Variants in HECW1 observed in about 807,000 individuals in gnomAD.
HECW1 encodes the protein E3 ubiquitin-protein ligase HECW1.
HECW1 carries 61 observed loss-of-function variants against 182.3 expected under a neutral mutation model. The observed-to-expected ratio is 0.33, with a 90% CI of 0.27 to 0.41. HECW1 has a LOEUF of 0.41. Ranked by LOEUF, HECW1 falls within the 10% of genes least tolerant of loss-of-function variation. The pLI is 1.00. For missense variants in HECW1, 1,739 were observed against 2,108.9 expected, an observed-to-expected ratio of 0.82 and a Z score of 3.44; for synonymous variants, 859 against 832.6, an observed-to-expected ratio of 1.03 and a Z score of -0.55.
intron 3 of HECW1, among the ~76,000 whole-genome samples, chr7:43,257,180 A>G (rs922021029): frequency 6.6e-6 from 1 of 152,238 alleles, no homozygotes; most frequent in East Asian, 1.9e-4. Context: ...GTATATGTTA[A>G]TTAATATTCC....
intron 26 of HECW1, among the ~76,000 whole-genome samples, chr7:43,548,785 TA>T (rs547560572): frequency 1.3e-5 from 2 of 151,052 alleles, no homozygotes; most frequent in Admixed American, 6.6e-5. Flanking sequence ...GTACTAAAAA[TA>T]AAAAAAAATT....
chr7:43,286,162 G>A (rs1804613663), intron 3 of HECW1, among the ~76,000 whole-genome samples: 1 of 152,228 alleles, frequency 6.6e-6, no homozygotes, highest in Non-Finnish European at 1.5e-5. Context: ...GGATGACTTG[G>A]AGGGAGGGCA....
chr7:43,429,335 T>TATAC (rs1562965589), intron 8 of HECW1, among the ~76,000 whole-genome samples: 10 of 120,308 alleles, frequency 8.3e-5, no homozygotes, highest in African/African-American at 1.3e-4. Context: ...TATATATATA[T>TATAC]ACATATATGC....
At chr7:43,510,501 A>G (rs917284809) in intron 24 of HECW1, among the ~76,000 whole-genome samples, 1 of 152,268 alleles carries the variant, frequency 6.6e-6, no homozygotes, top group African/African-American at 2.4e-5. Flanking sequence ...ACATAAAATG[A>G]GCAAGGTCTC....
intron 2 of HECW1, among the ~76,000 whole-genome samples, chr7:43,219,808 T>C (rs1562692075): frequency 6.6e-6 from 1 of 152,226 alleles, no homozygotes; most frequent in African/African-American, 2.4e-5. Context: ...TTCTGCCTTT[T>C]AGTTTTTACT....
chr7:43,129,004 G>C (rs1213439077), intron 2 of HECW1, among the ~76,000 whole-genome samples: 1 of 152,174 alleles, frequency 6.6e-6, no homozygotes, highest in Non-Finnish European at 1.5e-5. Flanking sequence ...TGCTTCTTAT[G>C]GATGAGCAAG....
At chr7:43,424,433 A>G (rs1396430642) in intron 8 of HECW1, among the ~76,000 whole-genome samples, 1 of 152,180 alleles carries the variant, frequency 6.6e-6, no homozygotes, top group African/African-American at 2.4e-5. Context: ...CAGCCTAGGC[A>G]ACATAGCAGA....
At chr7:43,468,121 G>C (rs973121356) in intron 15 of HECW1, among the ~76,000 whole-genome samples, 24 of 151,530 alleles carry the variant, frequency 1.6e-4, no homozygotes, top group African/African-American at 5.8e-4. Flanking sequence ...CACCAACCCT[G>C]TGTACCGTCA....
intron 2 of HECW1, among the ~76,000 whole-genome samples, chr7:43,198,771 TCA>T (rs368044025): frequency 1.0e-4 from 14 of 138,174 alleles, no homozygotes; most frequent in African/African-American, 2.5e-4. Flanking sequence ...GCACACTCTC[TCA>T]CACACACTCC....
chr7:43,542,513 T>C (rs1389589517), intron 26 of HECW1, among the ~76,000 whole-genome samples: 1 of 151,316 alleles, frequency 6.6e-6, no homozygotes, highest in Non-Finnish European at 1.5e-5. Context: ...TATTTCATTA[T>C]GTGTATATTA....
chr7:43,541,061 G>A (rs2081347271), intron 24 of HECW1, 102 bp from the exon 25 acceptor site: 1 of 909,742 alleles, frequency 1.1e-6, no homozygotes, highest in African/African-American at 1.6e-5. Flanking sequence ...TCCTTAAGCA[G>A]CTTAAGATGA....
chr7:43,154,050 T>A (rs1170477933), intron 2 of HECW1, among the ~76,000 whole-genome samples: 3 of 152,202 alleles, frequency 2.0e-5, no homozygotes, highest in Non-Finnish European at 4.4e-5. Context: ...ATTTTAAAAT[T>A]ATTTCTTGGA....
intron 3 of HECW1, among the ~76,000 whole-genome samples, chr7:43,281,927 C>T (rs1308272462): frequency 6.6e-6 from 1 of 152,034 alleles, no homozygotes; most frequent in Non-Finnish European, 1.5e-5. Context: ...GCCCTGCATC[C>T]TTTAAGTCCC....
At chr7:43,308,694 T>C (rs1808109816) in intron 3 of HECW1, among the ~76,000 whole-genome samples, 1 of 151,998 alleles carries the variant, frequency 6.6e-6, no homozygotes, top group African/African-American at 2.4e-5. Context: ...CAATCTTGGC[T>C]CACTGCAACC....
At position 43,494,684 on chromosome 7, in the gene HECW1, T is replaced by G. The variant is rs145926244; in HGVS notation, c.3437+1504T>G. Among the ~76,000 whole-genome samples the G allele has an allele frequency of 7.0e-3, 1,071 of 152,196 alleles. 13 individuals are homozygous for G. The highest frequency in any genetic ancestry group is 0.024 in the African/African-American group (979 of 41,522). On this transcript the variant is annotated intron_variant, in intron 19 of 29. Transcript: ENST00000395891. ...ACACCCAGCAAAATTTTGCTAATTT[T>G]TGTGCATTTATTAGAGGTGGAGTTT... is the stretch of plus-strand genomic sequence containing the variant.
intron 8 of HECW1, among the ~76,000 whole-genome samples, chr7:43,434,360 T>C (rs1166162077): frequency 2.0e-5 from 3 of 152,232 alleles, no homozygotes; most frequent in Non-Finnish European, 1.5e-5. Flanking sequence ...AAATTTGGTC[T>C]AACATGGCGT....
At chr7:43,321,612 G>A (rs1416727089) in intron 5 of HECW1, among the ~76,000 whole-genome samples, 1 of 152,146 alleles carries the variant, frequency 6.6e-6, no homozygotes, top group Non-Finnish European at 1.5e-5. Context: ...GTTAGCAGAT[G>A]TTCATTCAAT....
intron 4 of HECW1, 120 bp from the exon 5 acceptor site, chr7:43,320,515 G>T: frequency 1.5e-6 from 1 of 679,942 alleles, no homozygotes; most frequent in Non-Finnish European, 2.5e-6. Context: ...CTGGTTCCAG[G>T]TGCTTTTTCT....
intron 13 of HECW1, 65 bp downstream of exon 13, chr7:43,456,512 G>A (rs959871557): frequency 4.4e-5 from 66 of 1,502,500 alleles, no homozygotes; most frequent in Non-Finnish European, 5.9e-5. Flanking sequence ...AGCTAGAGAC[G>A]CTCCCCTTAC....
Sources: gnomAD v4.1 joint callset for allele counts (sites outside exome capture counted in the v4.1 genomes callset) on GRCh38, gnomAD v4.1.1 for gene constraint, MANE v1.5 for transcripts, NCBI Gene and HGNC (gene_info 2026-07-23, HGNC 2026-07-21) for gene names.